Variants in TRIO observed in about 807,000 individuals in gnomAD.
TRIO encodes triple functional domain protein.
A neutral mutation model predicts 351.9 loss-of-function variants in TRIO; 58 were observed. The ratio of observed to expected loss-of-function variants is 0.16; its 90% CI spans 0.13 to 0.21. The LOEUF is 0.21. Ranked by LOEUF, TRIO falls within the 10% of genes least tolerant of loss-of-function variation. The pLI, the probability that TRIO is intolerant of heterozygous loss-of-function variation, is 1.00. For missense variants in TRIO, 3,201 were observed against 4,027.8 expected (o/e 0.79, Z 5.56); for synonymous variants, 1,758 against 1,595.7 (o/e 1.10, Z -2.42).
At chr5:14,183,953 G>A (rs1789949056) in intron 1 of TRIO, 1 of 698,062 alleles carries the variant, frequency 1.4e-6, no homozygotes, top group South Asian at 1.5e-5. Flanking sequence ...AGAGGACATG[G>A]CAGAAGGTAA....
chr5:14,358,455 AGTG>A, intron 12 of TRIO, 108 bp downstream of exon 12: 1 of 1,328,662 alleles, frequency 7.5e-7, no homozygotes, highest in Non-Finnish European at 1.0e-6. Flanking sequence ...TGTCCAGCTG[AGTG>A]CAGAGCTAGT....
At position 14,387,532 on chromosome 5, in the gene TRIO, C is replaced by T. The variant is rs150161940; in HGVS notation, c.3665C>T (p.Thr1222Ile). 1.2e-6 allele frequency: 2 copies of T among 1,614,110 alleles called. No homozygotes were observed. Among genetic ancestry groups the T allele is most frequent in the Non-Finnish European group, 1.7e-6 (2 of 1,180,034 alleles). The change falls in exon 22 of 57, where the codon ACT becomes ATT. Residue 1222 changes from threonine (T) to isoleucine (I), a missense_variant. Physicochemically the swap from Thr to Ile is moderately conservative, Grantham distance 89 (BLOSUM62 -1). Transcript: ENST00000344204. ...GCGGCAGAGATAAAAAAATGTGTTA[C>T]TGCTGTGGATAAGAGGTACAGAGAT... ...AHAAEIKKCV[T>I]AVDKRYRDFS... is the part of the protein sequence containing the mutation.
chr5:14,423,205 G>T, intron 34 of TRIO, among the ~76,000 whole-genome samples: 1 of 152,312 alleles, frequency 6.6e-6, no homozygotes, highest in East Asian at 1.9e-4. Flanking sequence ...GCTGTCTGCC[G>T]TTACCTCAGA....
intron 9 of TRIO, among the ~76,000 whole-genome samples, chr5:14,323,292 C>A (rs1395460612): frequency 6.6e-6 from 1 of 152,020 alleles, no homozygotes; most frequent in Non-Finnish European, 1.5e-5. Flanking sequence ...AAAAGCAAGC[C>A]TTGGAAAAGT....
At chr5:14,325,545 T>C (rs247142) in intron 9 of TRIO, among the ~76,000 whole-genome samples, 132,550 of 152,272 alleles carry the variant, frequency 0.87, 58,138 homozygotes, top group African/African-American at 0.95. Flanking sequence ...TATCAGGCCA[T>C]TGATGAGGGA....
intron 46 of TRIO, among the ~76,000 whole-genome samples, chr5:14,483,554 C>A (rs2126616163): frequency 6.6e-6 from 1 of 152,342 alleles, no homozygotes; most frequent in East Asian, 1.9e-4. Flanking sequence ...CGTCCTCCCC[C>A]ATCCGACTCT....
At chr5:14,236,984 A>G (rs1055277690) in intron 1 of TRIO, among the ~76,000 whole-genome samples, 3 of 152,184 alleles carry the variant, frequency 2.0e-5, no homozygotes, top group Non-Finnish European at 4.4e-5. Context: ...ACACTCTGTG[A>G]TAACCTGGTG....
In TRIO at chr5:14,471,467, G is replaced by GT; in HGVS notation, c.5912+2dup. The GT allele has an allele frequency of 6.2e-7, 1 of 1,614,040 alleles. No individual in the cohort carries two copies. Among genetic ancestry groups the GT allele is most frequent in the East Asian group, 2.2e-5 (1 of 44,888 alleles). ...AATCCAGCTCTTTAAAGAGAAGACA[G>GT]TAAGACAGAAATGTTTTCATTCTTA... On this transcript the variant is annotated splice_donor_variant, in intron 38 of 56. Transcript: ENST00000344204. LOFTEE classifies it high-confidence loss of function.
chr5:14,190,698 C>T (rs886700877), intron 1 of TRIO, among the ~76,000 whole-genome samples: 42 of 152,138 alleles, frequency 2.8e-4, no homozygotes, highest in Non-Finnish European at 2.1e-4. Context: ...GGGGCAGTGA[C>T]TTGTAGAGCT....
At position 14,173,426 on chromosome 5, in the gene TRIO, C is replaced by T. The variant is rs531801625; in HGVS notation, c.157+29544C>T. Among the ~76,000 whole-genome samples the T allele has an allele frequency of 3.7e-3, 558 of 151,856 alleles. 11 individuals are homozygous for T. The highest frequency in any genetic ancestry group is 1.2e-3 in the Non-Finnish European group (82 of 67,912). On this transcript the variant is annotated intron_variant, in intron 1 of 56. Transcript: ENST00000344204. ...GGGCTTTCACCATGTTGGTCAGGCTCGTCTCCAACTCCTGACCTCAGGTGA... is the reference window on the plus strand; with the variant it reads ...GGGCTTTCACCATGTTGGTCAGGCTTGTCTCCAACTCCTGACCTCAGGTGA...
At chr5:14,154,396 A>G (rs557287657) in intron 1 of TRIO, among the ~76,000 whole-genome samples, 1 of 152,244 alleles carries the variant, frequency 6.6e-6, no homozygotes, top group Non-Finnish European at 1.5e-5. Flanking sequence ...TTGGTTTTAT[A>G]AAATGGTTGT....
chr5:14,421,567 GCACTC>G (rs1192864746), intron 34 of TRIO, among the ~76,000 whole-genome samples: 36 of 145,512 alleles, frequency 2.5e-4, no homozygotes, highest in African/African-American at 9.0e-4. Flanking sequence ...TCGCACCATT[GCACTC>G]CAGCCTGGGC....
At chr5:14,451,069 T>G (rs534851416) in intron 34 of TRIO, among the ~76,000 whole-genome samples, 40 of 152,360 alleles carry the variant, frequency 2.6e-4, no homozygotes, top group African/African-American at 7.7e-4. Flanking sequence ...AAAATACTTG[T>G]ATATTCCGAA....
At chr5:14,191,423 C>T (rs777231236) in intron 1 of TRIO, among the ~76,000 whole-genome samples, 11 of 151,382 alleles carry the variant, frequency 7.3e-5, no homozygotes, top group Admixed American at 4.0e-4. Flanking sequence ...TAGACTCTAT[C>T]GCTACAAAAA....
intron 11 of TRIO, among the ~76,000 whole-genome samples, chr5:14,349,615 C>T (rs926844594): frequency 6.6e-6 from 1 of 152,176 alleles, no homozygotes; most frequent in African/African-American, 2.4e-5. Context: ...CAAGATGAGC[C>T]CTTGAAGAAG....
rs115064532 is a variant in TRIO at position 14,185,415 on chromosome 5, G to T, written c.157+41533G>T. Among the ~76,000 whole-genome samples, 3 of 152,150 alleles carry T rather than the reference G, an allele frequency of 2.0e-5. No individual in the cohort carries two copies. In the South Asian group the frequency reaches 6.2e-4, roughly 31 times the overall value. Reference sequence around the variant, plus strand: ...CCTTTGCATAGCTGTGATGAAAAACGTGCCCAGCATAGTTGTTAAACATGG... The same window carrying T: ...CCTTTGCATAGCTGTGATGAAAAACTTGCCCAGCATAGTTGTTAAACATGG... On this transcript the variant is annotated intron_variant, in intron 1 of 56. Transcript: ENST00000344204.
chr5:14,243,119 A>G (rs551492169), intron 1 of TRIO, among the ~76,000 whole-genome samples: 10 of 152,076 alleles, frequency 6.6e-5, no homozygotes, highest in Non-Finnish European at 1.5e-4. Context: ...TCTTGTGTTG[A>G]AGCCAGTGAA....
chr5:14,441,538 T>C (rs774153461), intron 34 of TRIO, among the ~76,000 whole-genome samples: 10 of 151,864 alleles, frequency 6.6e-5, no homozygotes, highest in Non-Finnish European at 1.3e-4. Flanking sequence ...AGATGGTTTA[T>C]GGGGGGGCCA....
intron 40 of TRIO, among the ~76,000 whole-genome samples, chr5:14,476,222 A>G (rs1755063164): frequency 6.6e-6 from 1 of 152,236 alleles, no homozygotes; most frequent in Non-Finnish European, 1.5e-5. Flanking sequence ...GAAATAAAAA[A>G]TGTCCAAGTA....
Sources: allele counts gnomAD v4.1 joint callset (sites outside exome capture counted in the v4.1 genomes callset), GRCh38; gene constraint gnomAD v4.1.1; transcripts MANE v1.5; gene names NCBI Gene and HGNC (gene_info 2026-07-23, HGNC 2026-07-21).